The following AKAP12 variants were observed in gnomAD, a reference collection of about 807,000 sequenced individuals.
The protein encoded by AKAP12 is A-kinase anchoring protein 12.
In AKAP12, 32 loss-of-function variants were observed where a neutral mutation model predicts 79.9. That is an observed-to-expected ratio of 0.40 (90% confidence interval 0.30 to 0.54). The LOEUF is 0.54. Ranked by LOEUF, AKAP12 falls within the 20% of genes least tolerant of loss-of-function variation. The pLI is 0.48. For missense variants in AKAP12, 2,074 were observed against 2,177.0 expected (o/e 0.95, Z 0.94); for synonymous variants, 808 against 857.0 (o/e 0.94, Z 1.00).
chr6:151,303,696 C>A lies in AKAP12; in HGVS notation c.163-2051C>A, dbSNP rs189593991. Among the ~76,000 whole-genome samples, 4 of 152,260 alleles carry A rather than the reference C, an allele frequency of 2.6e-5. No homozygotes were observed. In the East Asian group the frequency reaches 7.7e-4, roughly 29 times the overall value. The stretch of plus-strand genomic sequence containing the variant: ...TGTAGCATGCAGGTCTGTACCAGAC[C>A]TTTTCCAGACCGGTTCCAGACCTGG... On this transcript the variant is annotated intron_variant, in intron 2 of 4. Transcript: ENST00000402676.
chr6:151,280,565 A>G (rs1284243467), intron 2 of AKAP12: 1 of 151,778 alleles, frequency 6.6e-6, no homozygotes, highest in African/African-American at 2.4e-5. Context: ...AGTAGGGGCC[A>G]TGTATCGTTT....
At chr6:151,324,453 A>G (rs898634232) in intron 3 of AKAP12, 5 of 985,248 alleles carry the variant, frequency 5.1e-6, no homozygotes, top group African/African-American at 1.7e-5. Flanking sequence ...GTGCCATGCC[A>G]GCCAGCTCTC....
chr6:151,262,022 C>T (rs191263373), intron 2 of AKAP12, among the ~76,000 whole-genome samples: 178 of 152,100 alleles, frequency 1.2e-3, no homozygotes, highest in African/African-American at 4.1e-3. Context: ...AGTGGAATGG[C>T]GAGATCTTGA....
rs1041421077 is a variant in AKAP12, at chr6:151,356,568, G to GT, written c.*855dup. The GT allele has an allele frequency of 7.1e-4, 108 of 152,320 alleles. No individual in the cohort carries two copies. The highest frequency in any genetic ancestry group is 2.4e-3 in the African/African-American group (99 of 41,576). The allele number at this position is 152,320 out of a possible 1,614,324, so 9.4% of individuals were successfully genotyped here. On this transcript the variant is annotated 3_prime_UTR_variant, in exon 5 of 5. Transcript: ENST00000402676. ...ATATGTTATGAAGAAAAGAATTGTT[G>GT]TAAGTTTTTGATTCTACTCTTATAT...
chr6:151,351,459 AG>A lies in AKAP12; in HGVS notation c.3070del (p.Glu1024ArgfsTer9). The A allele has an allele frequency of 6.2e-7, 1 of 1,614,222 alleles. No individual in the cohort carries two copies. Among genetic ancestry groups the A allele is most frequent in the Non-Finnish European group, 8.5e-7 (1 of 1,180,044 alleles). ...PDTTEEATPV[Q>X]EVEGGVPDIE... ...ACCACAGAGGAGGCCACTCCGGTGC[AG>A]GAGGTGGAAGGTGGCGTACCTGACA... On this transcript the variant is annotated frameshift_variant, in exon 4 of 5. Coordinates refer to ENST00000402676, the MANE Select transcript of AKAP12 (RefSeq NM_005100.4). LOFTEE classifies it high-confidence loss of function. This position sits in a 1 kb window ranked among gnomAD's most constrained non-coding sequence, Gnocchi z 4.4.
chr6:151,304,157 C>T (rs1012748159), intron 2 of AKAP12, among the ~76,000 whole-genome samples: 2 of 152,028 alleles, frequency 1.3e-5, no homozygotes, highest in Non-Finnish European at 2.9e-5. Flanking sequence ...TTTCTATTGG[C>T]TTAAAATTTT....
chr6:151,319,500 A>G (rs1432074840), intron 3 of AKAP12: 6 of 126,038 alleles, frequency 4.8e-5, no homozygotes, highest in African/African-American at 2.1e-4. Context: ...ATCTATAACT[A>G]TCTAGATATA....
rs150916454 is a variant in AKAP12 at position 151,352,528 on chromosome 6, T to A, written c.4137T>A (p.Asn1379Lys). The A allele has an allele frequency of 1.0e-4, 162 of 1,614,172 alleles. No individual in the cohort carries two copies. The African/African-American group carries it at 2.1e-3, about 21-fold the overall frequency. The stretch of plus-strand genomic sequence containing the variant: ...GTAAGCAGCTCCTCCAGACAGTGAA[T>A]GTGCCCATCATAGATGGGGCAAAGG... ...EVSKQLLQTV[N>K]VPIIDGAKEV... The change falls in exon 4 of 5, where the codon AAT becomes AAA. Residue 1379 changes from asparagine to lysine, a missense_variant. By Grantham distance (94) the Asn-to-Lys change is moderately conservative. Coordinates refer to ENST00000402676, the MANE Select transcript of AKAP12 (RefSeq NM_005100.4).
In AKAP12 at chr6:151,351,996, C is replaced by T. The variant is rs201554927; in HGVS notation, c.3605C>T (p.Ser1202Phe). Residue 1202 changes from serine to phenylalanine, a missense_variant, in exon 4 of 5, where the codon TCT becomes TTT. Physicochemically the swap from Ser to Phe is radical, Grantham distance 155. Coordinates refer to ENST00000402676, the MANE Select transcript of AKAP12 (RefSeq NM_005100.4). The surrounding 1 kb of genome is among the most constrained non-coding windows in gnomAD (Gnocchi z 4.4). ...VEIHEENEVA[S>F]GTQSGGTEAE... ...ATCCATGAGGAGAATGAGGTCGCAT[C>T]TGGTACCCAGTCAGGGGGCACAGAA... 1.9e-6 allele frequency: 3 copies of T among 1,614,060 alleles called. No homozygotes were observed. The African/African-American group carries it at 4.0e-5, about 22-fold the overall frequency.
rs1454880492 is a variant in AKAP12 at position 151,334,914 on chromosome 6, C to T, written c.320-13797C>T. On this transcript the variant is annotated intron_variant, in intron 3 of 4. Coordinates refer to ENST00000402676, the MANE Select transcript of AKAP12 (RefSeq NM_005100.4). ...CTGGGATTACAGGCGTGAACCGCCG[C>T]GCCCGGCCTTCAACATTTTGTATTG... is the stretch of plus-strand genomic sequence containing the variant. 3.9e-5 allele frequency among the ~76,000 whole-genome samples: 6 copies of T among 152,250 alleles called. No individual in the cohort carries two copies. In the East Asian group the frequency reaches 1.2e-3, roughly 30 times the overall value.
In AKAP12 at chr6:151,262,201, C is replaced by T. The variant is rs546592086; in HGVS notation, c.162+21477C>T. 5.3e-5 allele frequency among the ~76,000 whole-genome samples: 8 copies of T among 152,236 alleles called. No individual in the cohort carries two copies. The South Asian group carries it at 6.2e-4, about 12-fold the overall frequency. On this transcript the variant is annotated intron_variant, in intron 2 of 4. Transcript: ENST00000402676. ...ATCCACCCGCCTCAGGTGATCCACCCGCCTCGGCCTCCCAAAGTGCTGGGA... is the reference window on the plus strand; with the variant it reads ...ATCCACCCGCCTCAGGTGATCCACCTGCCTCGGCCTCCCAAAGTGCTGGGA...
intron 3 of AKAP12, among the ~76,000 whole-genome samples, chr6:151,335,127 AAAAC>A (rs148061790): frequency 0.015 from 2,273 of 152,322 alleles, 55 homozygotes; most frequent in African/African-American, 0.052. Flanking sequence ...TGGGGACAGA[AAAAC>A]AAATTGTGCA....
intron 3 of AKAP12, among the ~76,000 whole-genome samples, chr6:151,321,903 GTT>G (rs11415941): frequency 1.8e-3 from 120 of 67,312 alleles, no homozygotes; most frequent in African/African-American, 6.4e-3. Context: ...TCAGCTTTAT[GTT>G]TTTTTTTTTT....
chr6:151,261,756 T>A (rs1392752542), intron 2 of AKAP12, among the ~76,000 whole-genome samples: 30 of 150,030 alleles, frequency 2.0e-4, no homozygotes, highest in African/African-American at 7.1e-4. Context: ...TTTATTTATT[T>A]ATTTATTTAT....
Position 151,350,099 on chromosome 6 carries a change from C to G in AKAP12, c.1708C>G (p.Pro570Ala). The change falls in exon 4 of 5, where the codon CCT (proline) becomes GCT (alanine). Residue 570 changes from proline to alanine, a missense_variant. Around this residue, in one of 3 missense-constraint regions of AKAP12, gnomAD observed 1,428 missense variants for 1,451.0 expected, o/e 0.98. Transcript: ENST00000402676. The surrounding 1 kb of genome is among the most constrained non-coding windows in gnomAD (Gnocchi z 4.8). ...AAAGGGCGAGAGCTCTGCCTCATCC[C>G]CTGAGGAGCCCGAGGAGATCACGTG... ...EQKGESSASS[P>A]EEPEEITCLE... 4 of 1,613,980 alleles carry G rather than the reference C, an allele frequency of 2.5e-6. No individual in the cohort carries two copies. The highest frequency in any genetic ancestry group is 3.4e-6 in the Non-Finnish European group (4 of 1,180,002).
At chr6:151,325,933 G>C (rs751786058) in intron 3 of AKAP12, 3 of 1,613,978 alleles carry the variant, frequency 1.9e-6, no homozygotes, top group Admixed American at 1.7e-5. Context: ...CGGCAGGCAC[G>C]GGGCACGAAA....
intron 2 of AKAP12, among the ~76,000 whole-genome samples, chr6:151,292,282 A>G (rs1776638073): frequency 6.6e-6 from 1 of 152,230 alleles, no homozygotes; most frequent in Admixed American, 6.5e-5. Context: ...TTTCTCTTTC[A>G]GTCGAATGGA....
chr6:151,349,299 G>A lies in AKAP12; in HGVS notation c.908G>A (p.Gly303Asp). ...ACCTTCAAAAAATTCTTCACTCAAG[G>A]TTGGGCCGGCTGGCGCAAAAAGACC... ...GSTFKKFFTQGWAGWRKKTSF... is the reference protein window; with the variant it reads ...GSTFKKFFTQDWAGWRKKTSF... Residue 303 changes from glycine to aspartate, a missense_variant, in exon 4 of 5, where the codon GGT (glycine) becomes GAT (aspartate). This residue lies in a region of AKAP12 where 1,428 missense variants were observed against 1,451.0 expected (regional missense o/e 0.98). Coordinates refer to ENST00000402676, the MANE Select transcript of AKAP12 (RefSeq NM_005100.4). 3.1e-6 allele frequency: 5 copies of A among 1,613,914 alleles called. No homozygotes were observed. The highest frequency in any genetic ancestry group is 4.2e-6 in the Non-Finnish European group (5 of 1,179,986).
At chr6:151,327,801 T>C (rs1777566429) in intron 3 of AKAP12, among the ~76,000 whole-genome samples, 1 of 152,178 alleles carries the variant, frequency 6.6e-6, no homozygotes, top group African/African-American at 2.4e-5. Flanking sequence ...AATGTGGGTG[T>C]GGAGGATATG....
Sources: allele counts gnomAD v4.1 joint callset (sites outside exome capture counted in the v4.1 genomes callset), GRCh38; gene constraint gnomAD v4.1.1; regional missense constraint gnomAD v4.1.1; non-coding constraint Gnocchi (gnomAD v3.1); transcripts MANE v1.5; gene names NCBI Gene and HGNC (gene_info 2026-07-23, HGNC 2026-07-21).